Variants in NOL7 observed in about 807,000 individuals in gnomAD.
NOL7 encodes the protein nucleolar protein 7.
In NOL7, 36 loss-of-function variants were observed where a neutral mutation model predicts 38.4. The observed-to-expected ratio is 0.94, with a 90% CI of 0.72 to 1.24. NOL7 has a LOEUF of 1.24. NOL7 is among the 50% of genes most tolerant of loss of function. The pLI, the probability that NOL7 is intolerant of heterozygous loss-of-function variation, is 0.00. For synonymous variants in NOL7, 142 were observed against 126.5 expected, an observed-to-expected ratio of 1.12 and a Z score of -0.82; for missense variants, 350 against 315.1, an observed-to-expected ratio of 1.11 and a Z score of -0.84.
At chr6:13,619,005 T>A (rs1450339285) in intron 5 of NOL7, among the ~76,000 whole-genome samples, 1 of 152,218 alleles carries the variant, frequency 6.6e-6, no homozygotes, top group South Asian at 2.1e-4. Flanking sequence ...TTGAGAAAAT[T>A]TCATTTCACC....
At chr6:13,631,799 C>G (rs147538451) in intron 8 of NOL7, among the ~76,000 whole-genome samples, 1 of 152,332 alleles carries the variant, frequency 6.6e-6, no homozygotes, top group African/African-American at 2.4e-5. Context: ...GGCTACTTTA[C>G]TGAATTAGAT....
chr6:13,625,800 T>C, downstream of NOL7: 2 of 1,388,756 alleles, frequency 1.4e-6, no homozygotes, highest in Non-Finnish European at 1.0e-6. Context: ...TTAATTCAAA[T>C]AGTTCAACTA....
chr6:13,618,978 T>G (rs1349085894), intron 5 of NOL7, among the ~76,000 whole-genome samples: 1 of 152,264 alleles, frequency 6.6e-6, no homozygotes, highest in Non-Finnish European at 1.5e-5. Context: ...AAAAACTTTT[T>G]TTTAGTGGTT....
downstream of NOL7, chr6:13,625,821 A>G (rs1764586753): frequency 5.5e-6 from 7 of 1,267,988 alleles, no homozygotes; most frequent in Admixed American, 1.2e-4. Context: ...TTATGCTCAC[A>G]AATGTTTCCA....
At chr6:13,631,534 A>C (rs573546568) in intron 8 of NOL7, among the ~76,000 whole-genome samples, 1 of 152,278 alleles carries the variant, frequency 6.6e-6, no homozygotes, top group South Asian at 2.1e-4. Flanking sequence ...GGGATACTCA[A>C]CCTGTACTAA....
chr6:13,618,562 TTAG>T (rs1466136738), intron 5 of NOL7, among the ~76,000 whole-genome samples: 1 of 152,186 alleles, frequency 6.6e-6, no homozygotes, highest in Non-Finnish European at 1.5e-5. Context: ...AATATTTTAA[TTAG>T]TAGTAATTTC....
chr6:13,618,102 T>G lies in NOL7; in HGVS notation c.463T>G (p.Ser155Ala). ...TGAAGACTGTGAAAAAGGAAATGAC[T>G]CCAAGAAAGTTAAAGTACAAAAAGT... ...KNEDCEKGND[S>A]KKVKVQKVQS... Residue 155 changes from serine (S) to alanine (A), a missense_variant, in exon 5 of 8, where the codon TCC becomes GCC. By Grantham distance (99) the Ser-to-Ala change is moderately conservative (BLOSUM62 1). Coordinates refer to ENST00000451315, the MANE Select transcript of NOL7 (RefSeq NM_016167.5). The G allele has an allele frequency of 6.3e-7, 1 of 1,591,510 alleles. No homozygotes were observed. The highest frequency in any genetic ancestry group is 8.6e-7 in the Non-Finnish European group (1 of 1,161,286).
chr6:13,629,982 T>TG (rs1764734523), intron 8 of NOL7, among the ~76,000 whole-genome samples: 1 of 151,936 alleles, frequency 6.6e-6, no homozygotes, highest in Admixed American at 6.6e-5. Context: ...TCAAAGTTTA[T>TG]GCAAACCTAA....
In NOL7 at chr6:13,626,714, T is replaced by C. The variant is rs142561345; in HGVS notation, n.574-5679T>C. ...CTGCAGAAACTGTCAATTTGTGAGT[T>C]CAGGAACACAACACTTTGAAAATAC... On this transcript the variant is annotated intron_variant and non_coding_transcript_variant, in intron 8 of 8. Coordinates refer to the NOL7 transcript ENST00000474485. Among the ~76,000 whole-genome samples, 540 of 152,284 alleles carry C rather than the reference T, an allele frequency of 3.5e-3. 1 individual carries two copies. The highest frequency in any genetic ancestry group is 0.012 in the African/African-American group (502 of 41,542).
intron 2 of NOL7, 61 bp from the exon 3 acceptor site, chr6:13,616,402 C>G (rs1468594688): frequency 1.7e-6 from 2 of 1,204,430 alleles, no homozygotes; most frequent in East Asian, 2.4e-5. Flanking sequence ...ACTTCAGAAG[C>G]AACTCCGGAC....
At chr6:13,628,651 A>G (rs1436339192) in intron 8 of NOL7, among the ~76,000 whole-genome samples, 1 of 152,220 alleles carries the variant, frequency 6.6e-6, no homozygotes, top group Non-Finnish European at 1.5e-5. Flanking sequence ...TATACCATCA[A>G]ACTCCCAGTC....
At position 13,620,747 on chromosome 6, in the gene NOL7, A is replaced by G; in HGVS notation, c.701-7A>G. 1.9e-6 allele frequency: 3 copies of G among 1,574,584 alleles called. No individual in the cohort carries two copies. Among genetic ancestry groups the G allele is most frequent in the Non-Finnish European group, 2.6e-6 (3 of 1,156,792 alleles). On this transcript the variant is annotated splice_region_variant and splice_polypyrimidine_tract_variant and intron_variant, in intron 7 of 7. Coordinates refer to ENST00000451315, the MANE Select transcript of NOL7 (RefSeq NM_016167.5). ...ATATACTTACTGCAGAAAACTTTAT[A>G]TTCTAGGAATCCAAAAAAAACAAAA...
At chr6:13,622,997 A>AGTG (rs761146343), downstream of NOL7, among the ~76,000 whole-genome samples, 3 of 152,158 alleles carry the variant, frequency 2.0e-5, no homozygotes, top group Non-Finnish European at 4.4e-5. Context: ...GTGGGGAGTA[A>AGTG]GTGGTGGTGG....
downstream of NOL7, among the ~76,000 whole-genome samples, chr6:13,626,484 T>TG (rs1309857500): frequency 6.6e-6 from 1 of 152,220 alleles, no homozygotes; most frequent in Non-Finnish European, 1.5e-5. Context: ...TACTGCATAA[T>TG]GGGGACTATA....
At chr6:13,630,001 C>A (rs1283310393) in intron 8 of NOL7, among the ~76,000 whole-genome samples, 1 of 151,408 alleles carries the variant, frequency 6.6e-6, no homozygotes, top group Non-Finnish European at 1.5e-5. Flanking sequence ...AAAAACGATG[C>A]TACAATTTTA....
At chr6:13,628,834 A>G (rs917120231) in intron 8 of NOL7, among the ~76,000 whole-genome samples, 4 of 152,228 alleles carry the variant, frequency 2.6e-5, no homozygotes, top group African/African-American at 9.6e-5. Context: ...AGTAGCATTA[A>G]TGTAGTAGTG....
At chr6:13,624,868 C>T (rs987184392), downstream of NOL7, among the ~76,000 whole-genome samples, 14 of 152,152 alleles carry the variant, frequency 9.2e-5, no homozygotes, top group African/African-American at 3.1e-4. Flanking sequence ...AGGCTTGATC[C>T]TGCCGGGTAC....
At chr6:13,632,414 T>C in exon 9 of NOL7, 1 of 1,614,078 alleles carries the variant, frequency 6.2e-7, no homozygotes, top group South Asian at 1.1e-5. Flanking sequence ...CAGTCTCTCC[T>C]TAGCTGTTCA....
chr6:13,622,119 C>A, downstream of NOL7: 2 of 268,122 alleles, frequency 7.5e-6, no homozygotes, highest in Non-Finnish European at 1.3e-5. Context: ...TCAATTTGAA[C>A]GTCTGAAATT....
Sources: gnomAD v4.1 joint callset for allele counts (sites outside exome capture counted in the v4.1 genomes callset) on GRCh38, gnomAD v4.1.1 for gene constraint, MANE v1.5 for transcripts, NCBI Gene and HGNC (gene_info 2026-07-23, HGNC 2026-07-21) for gene names.